FOXP2: variants seen among roughly 807,000 people sequenced by gnomAD.
FOXP2 encodes the protein forkhead box P2, also known as forkhead box protein P2.
In FOXP2, 12 loss-of-function variants were observed where a neutral mutation model predicts 115.8. The ratio of observed to expected loss-of-function variants is 0.10; its 90% CI spans 0.07 to 0.17. FOXP2 has a LOEUF of 0.17. Among genes scored for constraint, FOXP2 ranks in the 10% least tolerant of loss-of-function variants. The pLI, the probability that FOXP2 is intolerant of heterozygous loss-of-function variation, is 1.00. For synonymous variants in FOXP2, 328 were observed against 297.7 expected, an observed-to-expected ratio of 1.10 and a Z score of -1.05; for missense variants, 629 against 843.5, an observed-to-expected ratio of 0.75 and a Z score of 3.15.
chr7:114,440,559 G>T (rs1476059952), intron 2 of FOXP2, among the ~76,000 whole-genome samples: 2 of 152,158 alleles, frequency 1.3e-5, no homozygotes, highest in African/African-American at 4.8e-5. Flanking sequence ...GATGGAGTGT[G>T]TTCTGAGATC....
intron 2 of FOXP2, among the ~76,000 whole-genome samples, chr7:114,506,872 A>T (rs1405498400): frequency 1.3e-5 from 2 of 151,776 alleles, no homozygotes; most frequent in Admixed American, 1.3e-4. Context: ...CTTTGAGGAG[A>T]TATATAAGCT....
At chr7:114,487,329 C>A (rs1242278244) in intron 2 of FOXP2, among the ~76,000 whole-genome samples, 1 of 152,132 alleles carries the variant, frequency 6.6e-6, no homozygotes, top group African/African-American at 2.4e-5. Flanking sequence ...GGATGCAGGG[C>A]ACCAAGTCCC....
At position 114,395,403 on chromosome 7, in the gene FOXP2, G is replaced by C. The variant is rs112650355; in HGVS notation, c.-10-31099G>C. On this transcript the variant is annotated intron_variant, in intron 2 of 17. Transcript: ENST00000634411. Reference sequence around the variant, plus strand: ...GGAAAAAGACAGGAGCATAAGCTCAGAGGTTTGGGAAGTATTGAAGTGTAT... The same window carrying C: ...GGAAAAAGACAGGAGCATAAGCTCACAGGTTTGGGAAGTATTGAAGTGTAT... Among the ~76,000 whole-genome samples the C allele has an allele frequency of 7.8e-3, 1,186 of 152,250 alleles. 9 individuals carry two copies. The highest frequency in any genetic ancestry group is 0.011 in the Non-Finnish European group (752 of 67,982).
intron 2 of FOXP2, chr7:114,297,333 C>T (rs556957144): frequency 9.1e-5 from 55 of 606,186 alleles, no homozygotes; most frequent in African/African-American, 7.7e-4. Flanking sequence ...CTTGGTCAGG[C>T]GCCCGTGGTG....
In FOXP2 at chr7:114,550,112, C is replaced by CTTT. The variant is rs941573098; in HGVS notation, c.258+15427_258+15429dup. 6.4e-3 allele frequency among the ~76,000 whole-genome samples: 659 copies of CTTT among 103,264 alleles called. 28 individuals carry two copies. Among genetic ancestry groups the CTTT allele is most frequent in the African/African-American group, 0.022 (568 of 26,034 alleles). 67.7% of individuals were successfully genotyped at this position (103,264 alleles called of 152,430 possible). On this transcript the variant is annotated intron_variant, in intron 3 of 16. Transcript: ENST00000350908. Reference sequence around the variant, plus strand: ...TTGAGAGCTCATCTTCCTTTCTTTTCTTTTTTTTTTTTTTTTTTTTTTTGA... The same window carrying CTTT: ...TTGAGAGCTCATCTTCCTTTCTTTTCTTTTTTTTTTTTTTTTTTTTTTTTTTGA...
intron 13 of FOXP2, among the ~76,000 whole-genome samples, chr7:114,660,887 G>A (rs571276330): frequency 4.3e-4 from 66 of 152,120 alleles, no homozygotes; most frequent in South Asian, 8.3e-4. Flanking sequence ...ACAGCTCGGG[G>A]ATCCAGCAAA....
intron 2 of FOXP2, among the ~76,000 whole-genome samples, chr7:114,473,358 C>T (rs896964647): frequency 6.6e-6 from 1 of 152,126 alleles, no homozygotes; most frequent in African/African-American, 2.4e-5. Context: ...AGGATACAGA[C>T]GCAAGAGTCT....
chr7:114,317,549 G>A (rs1163998486), intron 2 of FOXP2, among the ~76,000 whole-genome samples: 1 of 151,998 alleles, frequency 6.6e-6, no homozygotes, highest in African/African-American at 2.4e-5. Context: ...CTTAATGCAA[G>A]CCACCATCAC....
At chr7:114,225,414 G>A (rs1400117283) in intron 1 of FOXP2, among the ~76,000 whole-genome samples, 1 of 150,960 alleles carries the variant, frequency 6.6e-6, no homozygotes, top group Non-Finnish European at 1.5e-5. Flanking sequence ...TATTTTTCTA[G>A]TAATTTCACT....
chr7:114,168,238 T>A (rs568366052), intron 1 of FOXP2, among the ~76,000 whole-genome samples: 1 of 151,902 alleles, frequency 6.6e-6, no homozygotes, highest in Non-Finnish European at 1.5e-5. Context: ...CAGGCAGAGG[T>A]TGGAACAGTT....
intron 2 of FOXP2, among the ~76,000 whole-genome samples, chr7:114,294,169 G>A (rs986485353): frequency 6.6e-6 from 1 of 152,196 alleles, no homozygotes; most frequent in Non-Finnish European, 1.5e-5. Context: ...GCAACATGCA[G>A]AAGCTGCTTT....
In FOXP2 at chr7:114,191,657, G is replaced by A. The variant is rs897132175; in HGVS notation, c.-102+28569G>A. On this transcript the variant is annotated intron_variant, in intron 1 of 17. Coordinates refer to the FOXP2 transcript ENST00000634411. The stretch of plus-strand genomic sequence containing the variant: ...TTTAGGTTTACAGAAAAAGTGATTT[G>A]TAAGTACAGAGTTTCCATTATTCCT... Among the ~76,000 whole-genome samples the A allele has an allele frequency of 2.6e-5, 4 of 152,130 alleles. 1 individual carries two copies. The East Asian group carries it at 7.7e-4, about 29-fold the overall frequency.
chr7:114,467,886 T>C (rs1007145311), intron 2 of FOXP2, among the ~76,000 whole-genome samples: 1 of 152,128 alleles, frequency 6.6e-6, no homozygotes, highest in Admixed American at 6.6e-5. Flanking sequence ...TTCAGAACCT[T>C]TCCATCACCT....
chr7:114,505,999 AC>A (rs1480129764), intron 2 of FOXP2, among the ~76,000 whole-genome samples: 1 of 151,562 alleles, frequency 6.6e-6, no homozygotes, highest in Middle Eastern at 3.4e-3. Flanking sequence ...AAAATGACCA[AC>A]CTTTTTATCT....
At chr7:114,196,578 T>C (rs1793914465) in intron 1 of FOXP2, among the ~76,000 whole-genome samples, 1 of 152,224 alleles carries the variant, frequency 6.6e-6, no homozygotes, top group Admixed American at 6.5e-5. Flanking sequence ...TTAGTGTTCT[T>C]AATAGACTGT....
intron 2 of FOXP2, among the ~76,000 whole-genome samples, chr7:114,449,098 C>A (rs142159679): frequency 3.3e-5 from 5 of 151,892 alleles, no homozygotes; most frequent in Non-Finnish European, 5.9e-5. Context: ...GTTGTGAGAA[C>A]TAAATGAGTT....
chr7:114,538,313 G>A, intron 3 of FOXP2: 1 of 1,301,444 alleles, frequency 7.7e-7, no homozygotes, highest in Non-Finnish European at 1.0e-6. Flanking sequence ...TATTGTTCTT[G>A]TTACATTTAC....
At chr7:114,590,578 A>G (rs1238276295) in intron 3 of FOXP2, among the ~76,000 whole-genome samples, 1 of 152,132 alleles carries the variant, frequency 6.6e-6, no homozygotes, top group Non-Finnish European at 1.5e-5. Context: ...GGTGTTTCTT[A>G]TATGCAGATA....
At chr7:114,441,033 C>T (rs1344882282) in intron 2 of FOXP2, among the ~76,000 whole-genome samples, 1 of 152,122 alleles carries the variant, frequency 6.6e-6, no homozygotes, top group Non-Finnish European at 1.5e-5. Context: ...AGATTACTGC[C>T]TAAAAATATC....
Sources: gnomAD v4.1 joint callset for allele counts (sites outside exome capture counted in the v4.1 genomes callset) on GRCh38, gnomAD v4.1.1 for gene constraint, MANE v1.5 for transcripts, NCBI Gene and HGNC (gene_info 2026-07-23, HGNC 2026-07-21) for gene names.